BCL2L1: variants seen among roughly 807,000 people sequenced by gnomAD.
BCL2L1 encodes the protein bcl-2-like protein 1.
A neutral mutation model predicts 18.7 loss-of-function variants in BCL2L1; 1 was observed. The ratio of observed to expected loss-of-function variants is 0.05; its 90% CI spans 0.02 to 0.25. The LOEUF is 0.25. Ranked by LOEUF, BCL2L1 falls within the 10% of genes least tolerant of loss-of-function variation. The pLI is 1.00. For missense variants in BCL2L1, 207 were observed against 304.9 expected, an observed-to-expected ratio of 0.68 and a Z score of 2.39; for synonymous variants, 103 against 122.7, an observed-to-expected ratio of 0.84 and a Z score of 1.06.
Position 31,722,095 on chromosome 20 carries a change from C to A in BCL2L1, c.124G>T (p.Glu42Ter). Residue 42 changes from glutamate to a stop codon, truncating the protein, a stop_gained, in exon 2 of 3, where the codon GAA becomes TAA. Coordinates refer to ENST00000307677, the MANE Select transcript of BCL2L1 (RefSeq NM_138578.3). LOFTEE classifies it high-confidence loss of function. The part of the protein sequence containing the change: ...ENRTEAPEGT[E>*]SEMETPSAIN... ...GCACTGGGGGTCTCCATCTCCGATT[C>A]AGTCCCTTCTGGGGCCTCAGTCCTG... The A allele has an allele frequency of 6.3e-7, 1 of 1,586,738 alleles. No homozygotes were observed.
At chr20:31,694,736 G>A (rs2061139320) in intron 2 of BCL2L1, among the ~76,000 whole-genome samples, 2 of 152,104 alleles carry the variant, frequency 1.3e-5, no homozygotes, top group Admixed American at 6.6e-5. Flanking sequence ...TAGACAGTAG[G>A]CTTACATTGA....
Position 31,670,514 on chromosome 20 carries a change from C to T in BCL2L1, c.565-4428G>A, listed in dbSNP as rs1039056293. Among the ~76,000 whole-genome samples the T allele has an allele frequency of 5.3e-5, 8 of 152,292 alleles. No homozygotes were observed. The East Asian group carries it at 1.4e-3, about 26-fold the overall frequency. Reference sequence around the variant, plus strand: ...CTGGGGCTGGGTTGGAGTAAACAGGCGCTGTCCCCACAAGGGCACAAAGCA... The same window carrying T: ...CTGGGGCTGGGTTGGAGTAAACAGGTGCTGTCCCCACAAGGGCACAAAGCA... On this transcript the variant is annotated intron_variant, in intron 2 of 2. Transcript: ENST00000307677.
intron 2 of BCL2L1, among the ~76,000 whole-genome samples, chr20:31,694,100 T>C (rs1450172260): frequency 6.6e-6 from 1 of 152,130 alleles, no homozygotes; most frequent in Non-Finnish European, 1.5e-5. Context: ...TGGGAGTTCC[T>C]GGCTCCAGCT....
chr20:31,713,372 G>C (rs190619952), intron 2 of BCL2L1: 1 of 985,222 alleles, frequency 1.0e-6, no homozygotes, highest in Non-Finnish European at 1.2e-6. Context: ...GAAAGGCAGG[G>C]ACACGTCCAA....
At chr20:31,723,458 C>A, upstream of BCL2L1, 1 of 985,384 alleles carries the variant, frequency 1.0e-6, no homozygotes, top group Non-Finnish European at 1.2e-6. Flanking sequence ...GGCTCCGGGG[C>A]CGGGGGCTGC....
chr20:31,699,893 T>C (rs17253922), intron 2 of BCL2L1, among the ~76,000 whole-genome samples: 8,648 of 152,260 alleles, frequency 0.057, 286 homozygotes, highest in Middle Eastern at 0.11. Context: ...CATTATCCCA[T>C]TGGATCTCTG....
intron 2 of BCL2L1, chr20:31,720,681 A>G: frequency 2.0e-6 from 2 of 982,252 alleles, no homozygotes; most frequent in Non-Finnish European, 2.4e-6. Flanking sequence ...AGCTTGCCAC[A>G]TTTTTTAGTG....
At chr20:31,721,198 C>G (rs1215721300) in intron 2 of BCL2L1, among the ~76,000 whole-genome samples, 1 of 152,184 alleles carries the variant, frequency 6.6e-6, no homozygotes, top group East Asian at 1.9e-4. Context: ...GAGAGAAGCC[C>G]AGGATAGGAC....
intron 2 of BCL2L1, among the ~76,000 whole-genome samples, chr20:31,670,187 C>T (rs986131269): frequency 6.6e-6 from 1 of 152,212 alleles, no homozygotes; most frequent in African/African-American, 2.4e-5. Context: ...CTATGCTTCC[C>T]TGTCTCCCTC....
chr20:31,698,337 G>A (rs1406861043), intron 2 of BCL2L1, among the ~76,000 whole-genome samples: 1 of 152,276 alleles, frequency 6.6e-6, no homozygotes, highest in Non-Finnish European at 1.5e-5. Context: ...TGAACTCCCA[G>A]GCTCAAGTGA....
chr20:31,717,381 A>G (rs559436394), intron 2 of BCL2L1, among the ~76,000 whole-genome samples: 1 of 151,976 alleles, frequency 6.6e-6, no homozygotes, highest in Admixed American at 6.5e-5. Flanking sequence ...TCCAGGTTCC[A>G]TTGGAGCCCC....
chr20:31,709,421 G>A lies in BCL2L1; in HGVS notation c.564+12234C>T, dbSNP rs557478732. ...CTGTCGCCCAAGCTGGAGTGCAATG[G>A]CATGATTTCAGCTCACTGCAACCTC... On this transcript the variant is annotated intron_variant, in intron 2 of 2. Coordinates refer to ENST00000307677, the MANE Select transcript of BCL2L1 (RefSeq NM_138578.3). Among the ~76,000 whole-genome samples, 25 of 152,160 alleles carry A rather than the reference G, an allele frequency of 1.6e-4. No homozygotes were observed. The East Asian group carries it at 4.9e-3, about 30-fold the overall frequency.
At chr20:31,685,653 A>C (rs1228241115) in intron 2 of BCL2L1, among the ~76,000 whole-genome samples, 1 of 152,158 alleles carries the variant, frequency 6.6e-6, no homozygotes, top group Middle Eastern at 3.2e-3. Flanking sequence ...TTCTCATCTG[A>C]AAAGTGTGGA....
intron 2 of BCL2L1, among the ~76,000 whole-genome samples, chr20:31,681,610 C>T (rs761036332): frequency 3.9e-5 from 6 of 152,224 alleles, no homozygotes; most frequent in Non-Finnish European, 5.9e-5. Context: ...CACTGCACTT[C>T]AGCCTGGAAG....
rs1469106584 is a variant in BCL2L1 at position 31,665,774 on chromosome 20, G to A, written c.*175C>T. On this transcript the variant is annotated 3_prime_UTR_variant, in exon 3 of 3. Transcript: ENST00000307677. Reference sequence around the variant, plus strand: ...ACTGAGGTGTGGGGGTCTCACAGAAGTGTGATAAATTCTAGAAAACTAGCT... The same window carrying A: ...ACTGAGGTGTGGGGGTCTCACAGAAATGTGATAAATTCTAGAAAACTAGCT... 3 of 807,262 alleles carry A rather than the reference G, an allele frequency of 3.7e-6. No individual in the cohort carries two copies. The highest frequency in any genetic ancestry group is 1.9e-6 in the Non-Finnish European group (1 of 524,716). The allele number at this position is 807,262 out of a possible 1,614,324, so 50.0% of individuals were successfully genotyped here.
intron 2 of BCL2L1, among the ~76,000 whole-genome samples, chr20:31,674,145 C>T (rs1600765674): frequency 6.6e-6 from 1 of 152,188 alleles, no homozygotes; most frequent in East Asian, 1.9e-4. Flanking sequence ...TTCTGATGTC[C>T]AATCTTGCCA....
chr20:31,710,855 T>C (rs898617694), intron 2 of BCL2L1, among the ~76,000 whole-genome samples: 2 of 152,212 alleles, frequency 1.3e-5, no homozygotes, highest in African/African-American at 4.8e-5. Context: ...TATCTAATAA[T>C]AACCCTTCAT....
chr20:31,666,278 G>A (rs1292641340), intron 2 of BCL2L1, among the ~76,000 whole-genome samples, 192 bp from the exon 3 acceptor site: 1 of 152,154 alleles, frequency 6.6e-6, no homozygotes, highest in Admixed American at 6.5e-5. Flanking sequence ...ATCAAACCAT[G>A]TTACTGCTGA....
intron 2 of BCL2L1, among the ~76,000 whole-genome samples, chr20:31,700,707 A>G (rs868667650): frequency 2.0e-5 from 3 of 152,008 alleles, no homozygotes; most frequent in Admixed American, 1.3e-4. Context: ...TCCTTCCCTC[A>G]TTTGGCATTT....
Sources: gnomAD v4.1 joint callset for allele counts (sites outside exome capture counted in the v4.1 genomes callset) on GRCh38, gnomAD v4.1.1 for gene constraint, MANE v1.5 for transcripts, NCBI Gene and HGNC (gene_info 2026-07-23, HGNC 2026-07-21) for gene names.